The following SLC5A1 variants were observed in gnomAD, a reference collection of about 807,000 sequenced individuals.
The protein encoded by SLC5A1 is sodium/glucose cotransporter 1.
Under a neutral mutation model 73.5 loss-of-function variants are expected in SLC5A1, and 42 were observed. That is an observed-to-expected ratio of 0.57 (90% CI 0.45 to 0.74). The LOEUF is 0.74. Among genes scored for constraint, SLC5A1 ranks in the 30% least tolerant of loss-of-function variants. The pLI is 0.00. For synonymous variants in SLC5A1, 300 were observed against 317.4 expected (o/e 0.95, Z 0.58); for missense variants, 634 against 855.4 (o/e 0.74, Z 3.23).
chr22:32,053,034 G>C (rs1222673264), intron 2 of SLC5A1, among the ~76,000 whole-genome samples: 4 of 152,144 alleles, frequency 2.6e-5, no homozygotes, highest in Non-Finnish European at 5.9e-5. Flanking sequence ...AGGCTCATGG[G>C]AGTAAAACTG....
At chr22:32,105,452 C>T (rs929741634) in intron 14 of SLC5A1, among the ~76,000 whole-genome samples, 1 of 152,046 alleles carries the variant, frequency 6.6e-6, no homozygotes, top group African/African-American at 2.4e-5. Flanking sequence ...CACCACCACG[C>T]CCGGCTAATT....
intron 14 of SLC5A1, among the ~76,000 whole-genome samples, chr22:32,105,137 G>T (rs2094043256): frequency 6.6e-6 from 1 of 152,132 alleles, no homozygotes; most frequent in Non-Finnish European, 1.5e-5. Context: ...ATTTTTGTGA[G>T]TACGTAGTAG....
At chr22:32,095,929 T>C (rs1469925222) in intron 11 of SLC5A1, among the ~76,000 whole-genome samples, 3 of 152,240 alleles carry the variant, frequency 2.0e-5, no homozygotes, top group African/African-American at 7.2e-5. Flanking sequence ...GATCTAGACC[T>C]TCAGGTTCCC....
chr22:32,095,614 T>A (rs2094025022), intron 11 of SLC5A1, among the ~76,000 whole-genome samples: 1 of 152,248 alleles, frequency 6.6e-6, no homozygotes, highest in Non-Finnish European at 1.5e-5. Context: ...TTGTCTTTTT[T>A]AACTGCTGTT....
At chr22:32,065,285 TTATCA>T (rs2093970858) in intron 2 of SLC5A1, among the ~76,000 whole-genome samples, 1 of 152,208 alleles carries the variant, frequency 6.6e-6, no homozygotes, top group Admixed American at 6.5e-5. Flanking sequence ...TCACAAATCA[TTATCA>T]TATATCAACC....
intron 2 of SLC5A1, among the ~76,000 whole-genome samples, chr22:32,064,022 A>G (rs577146252): frequency 6.6e-6 from 1 of 152,212 alleles, no homozygotes; most frequent in Admixed American, 6.5e-5. Context: ...CCTGTTTGGG[A>G]GAGATATTGG....
At chr22:32,077,603 A>G (rs2093993082) in intron 5 of SLC5A1, among the ~76,000 whole-genome samples, 1 of 152,224 alleles carries the variant, frequency 6.6e-6, no homozygotes, top group Admixed American at 6.5e-5. Flanking sequence ...TACTTCAAAT[A>G]TACAGGAATG....
intron 7 of SLC5A1, among the ~76,000 whole-genome samples, chr22:32,083,672 T>A (rs1030883960): frequency 3.3e-5 from 5 of 152,132 alleles, no homozygotes; most frequent in Admixed American, 2.6e-4. Context: ...ATTAATTTTT[T>A]TTTTTTTTGC....
chr22:32,074,500 T>A (rs2093987738), intron 5 of SLC5A1, among the ~76,000 whole-genome samples: 1 of 152,132 alleles, frequency 6.6e-6, no homozygotes, highest in Non-Finnish European at 1.5e-5. Context: ...CTGCTCACGT[T>A]CCCTTTCTCT....
chr22:32,102,295 A>C (rs2094037984), intron 13 of SLC5A1, 58 bp downstream of exon 13: 1 of 1,336,524 alleles, frequency 7.5e-7, no homozygotes, highest in South Asian at 1.2e-5. Context: ...AATGTTCTTT[A>C]ATTTTTTTTA....
At position 32,043,281 on chromosome 22, in the gene SLC5A1, C is replaced by G; in HGVS notation, c.-1C>G. The G allele has an allele frequency of 2.5e-6, 4 of 1,613,952 alleles. No individual in the cohort carries two copies. Among genetic ancestry groups the G allele is most frequent in the Non-Finnish European group, 3.4e-6 (4 of 1,180,022 alleles). ...AGAGGGAAGGACGCAACGCTGCCACCATGGACAGTAGCACCTGGAGCCCCA... is the reference window on the plus strand; with the variant it reads ...AGAGGGAAGGACGCAACGCTGCCACGATGGACAGTAGCACCTGGAGCCCCA... On this transcript the variant is annotated 5_prime_UTR_variant, in exon 1 of 15. Transcript: ENST00000266088. The surrounding 1 kb of genome is among the most constrained non-coding windows in gnomAD (Gnocchi z 6.5).
intron 1 of SLC5A1, among the ~76,000 whole-genome samples, chr22:32,047,372 AG>A (rs2093938543): frequency 6.6e-6 from 1 of 151,152 alleles, no homozygotes; most frequent in African/African-American, 2.4e-5. Flanking sequence ...TTCATTTCTG[AG>A]ACCAACTGGG....
intron 5 of SLC5A1, among the ~76,000 whole-genome samples, chr22:32,075,043 T>A (rs1239104253): frequency 6.6e-6 from 1 of 151,378 alleles, no homozygotes; most frequent in Admixed American, 6.6e-5. Context: ...ACTACATCCA[T>A]GTGCCACCAT....
At chr22:32,086,856 CAATG>C (rs1366765452) in intron 10 of SLC5A1, among the ~76,000 whole-genome samples, 2 of 151,944 alleles carry the variant, frequency 1.3e-5, no homozygotes, top group Non-Finnish European at 2.9e-5. Flanking sequence ...AAATGCCTAT[CAATG>C]AATGAATGGA....
chr22:32,099,099 AAAAAAAATATATATAT>A, intron 11 of SLC5A1, 68 bp from the exon 12 acceptor site: 8 of 160,202 alleles, frequency 5.0e-5, no homozygotes, highest in South Asian at 2.2e-4. Flanking sequence ...AAAAAAAAAA[AAAAAAAATATATATAT>A]ATATATATAT....
intron 10 of SLC5A1, among the ~76,000 whole-genome samples, chr22:32,088,067 G>A (rs150298992): frequency 1.3e-5 from 2 of 152,312 alleles, no homozygotes; most frequent in Non-Finnish European, 2.9e-5. Context: ...AGCCTACTGA[G>A]CTGGGCTGCT....
chr22:32,066,274 G>A (rs1159752627), intron 2 of SLC5A1, among the ~76,000 whole-genome samples: 2 of 152,074 alleles, frequency 1.3e-5, no homozygotes, highest in African/African-American at 4.8e-5. Flanking sequence ...TTTTGTGCAC[G>A]TGTCCGTGTG....
chr22:32,071,657 T>C (rs1257462718), intron 5 of SLC5A1, among the ~76,000 whole-genome samples: 2 of 152,010 alleles, frequency 1.3e-5, no homozygotes, highest in Non-Finnish European at 2.9e-5. Flanking sequence ...GGTGATCTCG[T>C]TGCCTATGAT....
chr22:32,065,955 G>A (rs1359392595), intron 2 of SLC5A1, among the ~76,000 whole-genome samples: 1 of 152,190 alleles, frequency 6.6e-6, no homozygotes, highest in Non-Finnish European at 1.5e-5. Flanking sequence ...CAAGAATGGG[G>A]ATAATTACAC....
Sources: gnomAD v4.1 joint callset for allele counts (sites outside exome capture counted in the v4.1 genomes callset) on GRCh38, gnomAD v4.1.1 for gene constraint, Gnocchi (gnomAD v3.1) non-coding constraint, MANE v1.5 for transcripts, NCBI Gene and HGNC (gene_info 2026-07-23, HGNC 2026-07-21) for gene names.